The following CREB5 variants were observed in gnomAD, a reference collection of about 807,000 sequenced individuals.
CREB5 encodes the protein cAMP responsive element binding protein 5.
A neutral mutation model predicts 57.1 loss-of-function variants in CREB5; 19 were observed. That is an observed-to-expected ratio of 0.33 (90% CI 0.23 to 0.49). The LOEUF is 0.49. Among genes scored for constraint, CREB5 ranks in the 20% least tolerant of loss-of-function variants. CREB5 has a pLI of 0.99. For missense variants in CREB5, 579 were observed against 671.6 expected (o/e 0.86, Z 1.52); for synonymous variants, 238 against 238.3 (o/e 1.00, Z 0.01).
intron 4 of CREB5, among the ~76,000 whole-genome samples, chr7:28,543,722 C>T (rs1794305325): frequency 6.6e-6 from 1 of 151,424 alleles, no homozygotes; most frequent in Non-Finnish European, 1.5e-5. Flanking sequence ...TTTGAAAATT[C>T]TTTTTCATGC....
chr7:28,560,855 T>TGC (rs1554344299), intron 4 of CREB5, among the ~76,000 whole-genome samples: 1,976 of 56,338 alleles, frequency 0.035, 309 homozygotes, highest in East Asian at 0.21. Flanking sequence ...CGCGTGTGTG[T>TGC]GTGCGTGTGC....
At chr7:28,377,947 A>AAAAAAGAAAAAG (rs1554309949) in intron 1 of CREB5, among the ~76,000 whole-genome samples, 18 of 144,774 alleles carry the variant, frequency 1.2e-4, no homozygotes, top group Non-Finnish European at 2.7e-4. Context: ...AAAAAAAAAC[A>AAAAAAGAAAAAG]AAAAAGAAAA....
chr7:28,458,873 C>T (rs13437706), intron 1 of CREB5, among the ~76,000 whole-genome samples: 14,520 of 152,170 alleles, frequency 0.095, 1,035 homozygotes, highest in East Asian at 0.42. Flanking sequence ...GAGTCCTGCA[C>T]GAGCCATGAA....
At chr7:28,677,495 A>T (rs1800375039) in intron 5 of CREB5, among the ~76,000 whole-genome samples, 2 of 152,188 alleles carry the variant, frequency 1.3e-5, no homozygotes, top group Admixed American at 1.3e-4. Flanking sequence ...ATTGAGATTC[A>T]TGTCTTCGTG....
In CREB5 at chr7:28,638,264, G is replaced by GACACACACACACACACACAC. The variant is rs56956362; in HGVS notation, c.464+67738_464+67757dup. 3.2e-3 allele frequency among the ~76,000 whole-genome samples: 463 copies of GACACACACACACACACACAC among 145,776 alleles called. 2 individuals carry two copies. The highest frequency in any genetic ancestry group is 4.7e-3 in the Non-Finnish European group (316 of 66,680). Reference sequence around the variant, plus strand: ...ATTGCTATCTTAAAGAAAGAAACTAGACACACACACACACACACACACACA... The same window carrying GACACACACACACACACACAC: ...ATTGCTATCTTAAAGAAAGAAACTAGACACACACACACACACACACACACACACACACACACACACACACA... On this transcript the variant is annotated intron_variant, in intron 5 of 10. Coordinates refer to ENST00000357727, the MANE Select transcript of CREB5 (RefSeq NM_182898.4).
At chr7:28,765,472 T>C (rs143770677) in intron 7 of CREB5, among the ~76,000 whole-genome samples, 379 of 152,354 alleles carry the variant, frequency 2.5e-3, no homozygotes, top group Non-Finnish European at 4.0e-3. Flanking sequence ...TCGTTTGGTA[T>C]TCCTCTCTCA....
chr7:28,613,148 A>G (rs1330251049), intron 5 of CREB5, among the ~76,000 whole-genome samples: 2 of 152,210 alleles, frequency 1.3e-5, no homozygotes, highest in Non-Finnish European at 2.9e-5. Context: ...ACCATTCGTG[A>G]AGTAGCAGGG....
chr7:28,614,573 G>A (rs572646516), intron 5 of CREB5, among the ~76,000 whole-genome samples: 1 of 152,218 alleles, frequency 6.6e-6, no homozygotes, highest in South Asian at 2.1e-4. Context: ...CCCCTAATGA[G>A]AGCCCCTTGC....
chr7:28,631,928 G>A (rs1338891406), intron 5 of CREB5, among the ~76,000 whole-genome samples: 1 of 152,146 alleles, frequency 6.6e-6, no homozygotes, highest in African/African-American at 2.4e-5. Context: ...GAGAATGACA[G>A]GCTTAGGCAT....
chr7:28,403,790 A>G (rs1360768836), intron 1 of CREB5, among the ~76,000 whole-genome samples: 1 of 152,188 alleles, frequency 6.6e-6, no homozygotes, highest in Non-Finnish European at 1.5e-5. Flanking sequence ...GGCAAGGGAA[A>G]AGTGCCACCG....
intron 1 of CREB5, among the ~76,000 whole-genome samples, chr7:28,393,425 T>C (rs914158666): frequency 2.6e-5 from 4 of 152,194 alleles, no homozygotes; most frequent in Non-Finnish European, 5.9e-5. Context: ...CTTGGTTACT[T>C]TGATATTTTG....
intron 5 of CREB5, among the ~76,000 whole-genome samples, chr7:28,707,723 C>T (rs990729770): frequency 3.9e-5 from 6 of 152,166 alleles, no homozygotes. Context: ...AATTGTTTTA[C>T]ACTATTTGTT....
intron 4 of CREB5, among the ~76,000 whole-genome samples, chr7:28,560,917 T>TGCGCGCGCGC (rs1170124048): frequency 9.9e-5 from 8 of 80,856 alleles, no homozygotes; most frequent in South Asian, 4.8e-4. Flanking sequence ...TGCGTGTGCG[T>TGCGCGCGCGC]GTGTGCGCGT....
intron 4 of CREB5, among the ~76,000 whole-genome samples, chr7:28,508,767 C>T (rs1792584250): frequency 6.6e-6 from 1 of 152,130 alleles, no homozygotes. Flanking sequence ...TCAGTCAACT[C>T]GTTTTACTTA....
chr7:28,504,866 C>A (rs183373581), intron 3 of CREB5, among the ~76,000 whole-genome samples: 2 of 152,180 alleles, frequency 1.3e-5, no homozygotes, highest in East Asian at 3.9e-4. Flanking sequence ...TCCTTTGCAA[C>A]GTTTGTCATA....
chr7:28,581,795 C>T (rs983246096), intron 5 of CREB5, among the ~76,000 whole-genome samples: 10 of 152,272 alleles, frequency 6.6e-5, no homozygotes, highest in Admixed American at 1.3e-4. Flanking sequence ...AGGGAAGACC[C>T]GGGTGACCTC....
intron 1 of CREB5, among the ~76,000 whole-genome samples, chr7:28,345,119 C>G (rs189695003): frequency 2.6e-5 from 4 of 152,104 alleles, no homozygotes; most frequent in Non-Finnish European, 5.9e-5. Flanking sequence ...CAGAAATTAA[C>G]AAGGAAATAC....
chr7:28,469,803 G>A (rs1294758603), intron 1 of CREB5, among the ~76,000 whole-genome samples: 1 of 152,168 alleles, frequency 6.6e-6, no homozygotes, highest in Non-Finnish European at 1.5e-5. Context: ...AAGATGCAAG[G>A]AAATGGAGGC....
At chr7:28,326,931 C>T (rs528081078) in intron 1 of CREB5, among the ~76,000 whole-genome samples, 27 of 152,092 alleles carry the variant, frequency 1.8e-4, no homozygotes, top group Admixed American at 1.2e-3. Context: ...AGGCAGATCA[C>T]GAGGTCAGGA....
Sources: allele counts gnomAD v4.1 joint callset (sites outside exome capture counted in the v4.1 genomes callset), GRCh38; gene constraint gnomAD v4.1.1; transcripts MANE v1.5; gene names NCBI Gene and HGNC (gene_info 2026-07-23, HGNC 2026-07-21).